Variants in ZNF771 observed in about 807,000 individuals in gnomAD.
ZNF771 encodes mesenchymal stem cell protein DSC43.
Under a neutral mutation model 27.6 loss-of-function variants are expected in ZNF771, and 10 were observed. The ratio of observed to expected loss-of-function variants is 0.36; its 90% confidence interval spans 0.22 to 0.61. The LOEUF (loss-of-function observed/expected upper bound fraction) is 0.61, where lower values mean the gene tolerates loss of function less well. Among genes scored for constraint, ZNF771 ranks in the 20% least tolerant of loss-of-function variants. The pLI, the probability that ZNF771 is intolerant of heterozygous loss-of-function variation, is 0.70. For missense variants in ZNF771, 438 were observed against 503.7 expected (o/e 0.87, Z 1.25); for synonymous variants, 261 against 225.2 (o/e 1.16, Z -1.43).
chr16:30,417,609 C>T lies in ZNF771; in HGVS notation c.196C>T (p.Pro66Ser), dbSNP rs563054452. 3.9e-4 allele frequency: 511 copies of T among 1,312,726 alleles called. 1 individual carries two copies. Among genetic ancestry groups the T allele is most frequent in the Non-Finnish European group, 9.5e-5 (98 of 1,035,740 alleles). The allele number at this position is 1,312,726 out of a possible 1,614,324, so 81.3% of individuals were successfully genotyped here. Reference sequence around the variant, plus strand: ...CGACCCGGCGCGTCCCCACGCGTGCCCCGACTGCGGCCGCGCCTTCGCGCG... The same window carrying T: ...CGACCCGGCGCGTCCCCACGCGTGCTCCGACTGCGGCCGCGCCTTCGCGCG... ...SADPARPHAC[P>S]DCGRAFARRS... The change falls in exon 3 of 3, where the codon CCC (proline) becomes TCC (serine). Residue 66 changes from proline to serine, a missense_variant. Coordinates refer to ENST00000319296, the MANE Select transcript of ZNF771 (RefSeq NM_001142305.2).
At chr16:30,407,945 A>C in intron 1 of ZNF771, 100 bp from the exon 2 acceptor site, 3 of 728,660 alleles carry the variant, frequency 4.1e-6, no homozygotes, top group Non-Finnish European at 4.2e-6. Context: ...GGGCGGGAGA[A>C]GCCACGGCTG....
chr16:30,407,998 G>GA (rs2050085432), intron 1 of ZNF771, 47 bp from the exon 2 acceptor site: 2 of 841,564 alleles, frequency 2.4e-6, no homozygotes, highest in South Asian at 1.8e-5. Flanking sequence ...GGGGGGGGGG[G>GA]TGGGGGGGGG....
chr16:30,413,784 G>A, intron 2 of ZNF771: 1 of 192,962 alleles, frequency 5.2e-6, no homozygotes, highest in South Asian at 7.4e-5. Context: ...GCCCAGGCTG[G>A]TGTCCAACTC....
In ZNF771 at chr16:30,418,298, C is replaced by A; in HGVS notation, c.885C>A (p.Asp295Glu). ...ATATTTGCGCCGGCTGCGGCAGGGA[C>A]TTCAAGCTGCCCCCTGGCGCCACGG... The part of the protein sequence containing the change: ...RLYICAGCGR[D>E]FKLPPGATAA... The change falls in exon 3 of 3, where the codon GAC becomes GAA. Residue 295 changes from aspartate to glutamate, a missense_variant. Asp to Glu is a conservative substitution (Grantham distance 45). Transcript: ENST00000319296. 1 of 1,501,578 alleles carries A rather than the reference C, an allele frequency of 6.7e-7. No individual in the cohort carries two copies. Among genetic ancestry groups the A allele is most frequent in the South Asian group, 1.2e-5 (1 of 80,204 alleles). 93.0% of individuals were successfully genotyped at this position (1,501,578 alleles called of 1,614,324 possible).
At chr16:30,416,399 C>G (rs1450830848) in intron 2 of ZNF771, among the ~76,000 whole-genome samples, 1 of 152,152 alleles carries the variant, frequency 6.6e-6, no homozygotes, top group Non-Finnish European at 1.5e-5. Flanking sequence ...CTCCTCCCAC[C>G]GTCCTCATCT....
intron 2 of ZNF771, among the ~76,000 whole-genome samples, chr16:30,416,074 C>CT (rs1278783469): frequency 1.3e-5 from 2 of 152,122 alleles, no homozygotes; most frequent in African/African-American, 4.8e-5. Context: ...TTACCCTTGC[C>CT]TTTTTCTTCA....
Position 30,417,874 on chromosome 16 carries a change from G to C in ZNF771, c.461G>C (p.Arg154Pro). ...EKPYACAHCG[R>P]RFAQSSNYAQ... Reference sequence around the variant, plus strand: ...CCGTACGCATGCGCGCACTGCGGCCGCCGCTTCGCGCAGAGCTCCAACTAC... The same window carrying C: ...CCGTACGCATGCGCGCACTGCGGCCCCCGCTTCGCGCAGAGCTCCAACTAC... The change falls in exon 3 of 3, where the codon CGC becomes CCC. Residue 154 changes from arginine to proline, a missense_variant. By Grantham distance (103) the Arg-to-Pro change is moderately radical. This residue lies in a region of ZNF771 where 305 missense variants were observed against 308.0 expected (regional missense o/e 0.99). Coordinates refer to ENST00000319296, the MANE Select transcript of ZNF771 (RefSeq NM_001142305.2). 1 of 1,507,504 alleles carries C rather than the reference G, an allele frequency of 6.6e-7. No individual in the cohort carries two copies. The highest frequency in any genetic ancestry group is 8.8e-7 in the Non-Finnish European group (1 of 1,136,786). The allele number at this position is 1,507,504 out of a possible 1,614,324, so 93.4% of individuals were successfully genotyped here.
In ZNF771 at chr16:30,418,004, C is replaced by A. The variant is rs1467860067; in HGVS notation, c.591C>A (p.His197Gln). ...SSCLARHRRT[H>Q]TGERPYACAD... ...GCCTGGCGCGCCACCGACGCACGCA[C>A]ACGGGCGAGCGGCCCTACGCTTGCG... Residue 197 changes from histidine (H) to glutamine (Q), a missense_variant, in exon 3 of 3, where the codon CAC becomes CAA. This residue lies in a region of ZNF771 where 305 missense variants were observed against 308.0 expected (regional missense o/e 0.99). Coordinates refer to ENST00000319296, the MANE Select transcript of ZNF771 (RefSeq NM_001142305.2). 6.8e-7 allele frequency: 1 copy of A among 1,471,284 alleles called. No individual in the cohort carries two copies. Among genetic ancestry groups the A allele is most frequent in the Non-Finnish European group, 8.9e-7 (1 of 1,120,912 alleles). The allele number at this position is 1,471,284 out of a possible 1,614,324, so 91.1% of individuals were successfully genotyped here. A position where few individuals can be genotyped will look rare whatever the true frequency, so the allele number is the denominator to read the frequency against.
In ZNF771 at chr16:30,417,946, C is replaced by T; in HGVS notation, c.533C>T (p.Pro178Leu). 1 of 1,511,140 alleles carries T rather than the reference C, an allele frequency of 6.6e-7. No homozygotes were observed. The highest frequency in any genetic ancestry group is 8.8e-7 in the Non-Finnish European group (1 of 1,139,168). 93.6% of individuals were successfully genotyped at this position (1,511,140 alleles called of 1,614,324 possible). Residue 178 changes from proline (P) to leucine (L), a missense_variant, in exon 3 of 3, where the codon CCG (proline) becomes CTG (leucine). Around this residue, in one of 3 missense-constraint regions of ZNF771, gnomAD observed 305 missense variants for 308.0 expected, o/e 0.99. Transcript: ENST00000319296. The stretch of plus-strand genomic sequence containing the variant: ...ACGGGCGAGAAGCCGTACGCGTGCC[C>T]GGACTGCGGACGCGCCTTTGGCGGC... Reference protein sequence around the residue: ...VHTGEKPYACPDCGRAFGGSS... With the variant: ...VHTGEKPYACLDCGRAFGGSS...
At chr16:30,407,987 CGGG>C in intron 1 of ZNF771, 55 bp from the exon 2 acceptor site, 26 of 719,158 alleles carry the variant, frequency 3.6e-5, no homozygotes, top group Non-Finnish European at 4.8e-5. Context: ...CCACGGTGGG[CGGG>C]GGGGGGGGTG....
rs777130045 is a variant in ZNF771, at chr16:30,408,059, T to C, written c.6T>C (p.Pro2=). 3.2e-6 allele frequency: 5 copies of C among 1,577,432 alleles called. No individual in the cohort carries two copies. The African/African-American group carries it at 5.5e-5, about 17-fold the overall frequency. The change falls in exon 2 of 3, where the codon CCT becomes CCC. Residue 2 remains proline (P), a synonymous_variant. Coordinates refer to ENST00000319296, the MANE Select transcript of ZNF771 (RefSeq NM_001142305.2). Reference sequence around the variant, plus strand: ...CCCCGCCTCAGGACACCAAGATGCCTGGCGAACAGCAGGCAGAGGAAGAGG... The same window carrying C: ...CCCCGCCTCAGGACACCAAGATGCCCGGCGAACAGCAGGCAGAGGAAGAGG... M[P]GEQQAEEEEE...
At chr16:30,415,068 C>T (rs563370622) in intron 2 of ZNF771, among the ~76,000 whole-genome samples, 1 of 146,284 alleles carries the variant, frequency 6.8e-6, no homozygotes, top group Non-Finnish European at 1.5e-5. Flanking sequence ...AGTGATTCTC[C>T]TGCCTCAGCC....
chr16:30,410,207 A>T (rs1011229366), intron 2 of ZNF771, among the ~76,000 whole-genome samples: 2 of 150,512 alleles, frequency 1.3e-5, no homozygotes, highest in East Asian at 3.9e-4. Flanking sequence ...GGTTCATGCC[A>T]TTCTCCTGCC....
rs369426726 is a variant in ZNF771, at chr16:30,408,607, T to A, written c.141+413T>A. On this transcript the variant is annotated intron_variant, in intron 2 of 2. Transcript: ENST00000319296. ...AATAGCTAACCCTTGCCTAGCATTT[T>A]CTATGTGCCAGGCACTGTTCTAAGC... 1.4e-3 allele frequency among the ~76,000 whole-genome samples: 209 copies of A among 152,338 alleles called. 2 individuals carry two copies. The Middle Eastern group carries it at 0.024, about 17-fold the overall frequency.
In ZNF771 at chr16:30,417,940, C is replaced by T. The variant is rs1223108530; in HGVS notation, c.527C>T (p.Ala176Val). The T allele has an allele frequency of 1.1e-5, 17 of 1,510,076 alleles. No individual in the cohort carries two copies. Among genetic ancestry groups the T allele is most frequent in the Non-Finnish European group, 1.3e-5 (15 of 1,139,170 alleles). 93.5% of individuals were successfully genotyped at this position (1,510,076 alleles called of 1,614,324 possible). A position where few individuals can be genotyped will look rare whatever the true frequency, so the allele number is the denominator to read the frequency against. Residue 176 changes from alanine to valine, a missense_variant, in exon 3 of 3, where the codon GCG (alanine) becomes GTG (valine). Ala to Val is a moderately conservative substitution (Grantham distance 64). This residue lies in a region of ZNF771 where 305 missense variants were observed against 308.0 expected (regional missense o/e 0.99). Transcript: ENST00000319296. ...GTGCACACGGGCGAGAAGCCGTACG[C>T]GTGCCCGGACTGCGGACGCGCCTTT... ...LRVHTGEKPYACPDCGRAFGG... is the reference protein window; with the variant it reads ...LRVHTGEKPYVCPDCGRAFGG...
At position 30,418,289 on chromosome 16, in the gene ZNF771, C is replaced by T. The variant is rs2151126534; in HGVS notation, c.876C>T (p.Cys292=). 5 of 1,505,934 alleles carry T rather than the reference C, an allele frequency of 3.3e-6. No homozygotes were observed. The highest frequency in any genetic ancestry group is 4.4e-6 in the Non-Finnish European group (5 of 1,133,516). 93.3% of individuals were successfully genotyped at this position (1,505,934 alleles called of 1,614,324 possible). A position where few individuals can be genotyped will look rare whatever the true frequency, so the allele number is the denominator to read the frequency against. ...GCCGCCTGTATATTTGCGCCGGCTG[C>T]GGCAGGGACTTCAAGCTGCCCCCTG... is the stretch of plus-strand genomic sequence containing the variant. ...MRRRLYICAG[C]GRDFKLPPGA... is the part of the protein sequence containing the mutation. The change falls in exon 3 of 3, where the codon TGC becomes TGT. Residue 292 remains cysteine, a synonymous_variant. Transcript: ENST00000319296.
At chr16:30,409,027 T>C (rs1330443317) in intron 2 of ZNF771, among the ~76,000 whole-genome samples, 1 of 151,746 alleles carries the variant, frequency 6.6e-6, no homozygotes. Context: ...CAGGCTGGAG[T>C]GCAGTGGCGT....
chr16:30,415,250 G>A (rs1034628482), intron 2 of ZNF771, among the ~76,000 whole-genome samples: 7 of 151,722 alleles, frequency 4.6e-5, no homozygotes, highest in Non-Finnish European at 8.8e-5. Context: ...GAACCACCAC[G>A]CCTGGCTTAT....
At chr16:30,409,669 T>C (rs2050093963) in intron 2 of ZNF771, among the ~76,000 whole-genome samples, 1 of 152,156 alleles carries the variant, frequency 6.6e-6, no homozygotes, top group South Asian at 2.1e-4. Context: ...TGCTGGGTGC[T>C]GGGGGAGGGG....
Sources: gnomAD v4.1 joint callset for allele counts (sites outside exome capture counted in the v4.1 genomes callset) on GRCh38, gnomAD v4.1.1 for gene constraint, gnomAD v4.1.1 regional missense constraint, MANE v1.5 for transcripts, NCBI Gene and HGNC (gene_info 2026-07-23, HGNC 2026-07-21) for gene names.